Variants in TYW1B observed in about 807,000 individuals in gnomAD.
TYW1B encodes tRNA-yW synthesizing protein 1 homolog B.
A neutral mutation model predicts 86.9 loss-of-function variants in TYW1B; 73 were observed. The ratio of observed to expected loss-of-function variants is 0.84; its 90% CI spans 0.70 to 1.02. TYW1B has a LOEUF of 1.02. TYW1B is among the 50% of genes least tolerant of loss of function. The pLI is 0.00. For synonymous variants in TYW1B, 248 were observed against 292.8 expected (o/e 0.85, Z 1.56); for missense variants, 637 against 827.4 (o/e 0.77, Z 2.82).
intron 2 of TYW1B, among the ~76,000 whole-genome samples, chr7:72,826,300 A>G (rs1313921962): frequency 1.3e-5 from 2 of 152,212 alleles, no homozygotes; most frequent in Non-Finnish European, 2.9e-5. Flanking sequence ...GCAGGGATGA[A>G]AGGTAGCACA....
intron 9 of TYW1B, among the ~76,000 whole-genome samples, chr7:72,721,126 A>G (rs1585929298): frequency 6.6e-6 from 1 of 152,048 alleles, no homozygotes; most frequent in South Asian, 2.1e-4. Flanking sequence ...TATGTGCCAC[A>G]TTTTCTTAAT....
At chr7:72,626,457 G>A (rs1291980546) in intron 12 of TYW1B, among the ~76,000 whole-genome samples, 4 of 151,966 alleles carry the variant, frequency 2.6e-5, no homozygotes, top group African/African-American at 7.3e-5. Flanking sequence ...CTGAAACTTC[G>A]AGCTTATAAA....
At chr7:72,736,379 A>C (rs1373863273) in intron 8 of TYW1B, among the ~76,000 whole-genome samples, 1 of 152,226 alleles carries the variant, frequency 6.6e-6, no homozygotes, top group Non-Finnish European at 1.5e-5. Flanking sequence ...AAATTGTGGG[A>C]GCTAAGAATA....
At chr7:72,627,871 T>C (rs1173346972) in intron 12 of TYW1B, among the ~76,000 whole-genome samples, 10 of 152,144 alleles carry the variant, frequency 6.6e-5, no homozygotes, top group African/African-American at 2.4e-4. Flanking sequence ...TCAGCCAAGA[T>C]GCATGATCCA....
At chr7:72,796,532 G>A (rs1788308176) in intron 6 of TYW1B, among the ~76,000 whole-genome samples, 1 of 151,418 alleles carries the variant, frequency 6.6e-6, no homozygotes, top group South Asian at 2.1e-4. Flanking sequence ...CACCGCGCCA[G>A]GCCAACTAAT....
chr7:72,663,204 G>A (rs1385453076), intron 11 of TYW1B, among the ~76,000 whole-genome samples: 1 of 151,484 alleles, frequency 6.6e-6, no homozygotes, highest in Admixed American at 6.6e-5. Flanking sequence ...TGGGGGGGTT[G>A]GCGGCACGAT....
intron 7 of TYW1B, among the ~76,000 whole-genome samples, chr7:72,769,889 T>C (rs1381164734): frequency 1.3e-5 from 2 of 151,988 alleles, no homozygotes; most frequent in South Asian, 2.1e-4. Context: ...CTGGCCAACA[T>C]AGTGAAACCC....
intron 9 of TYW1B, among the ~76,000 whole-genome samples, chr7:72,727,837 GA>G (rs1787030343): frequency 7.4e-6 from 1 of 134,918 alleles, no homozygotes; most frequent in African/African-American, 2.7e-5. Flanking sequence ...AAAAAAAGAA[GA>G]AAGACAAAAA....
intron 11 of TYW1B, among the ~76,000 whole-genome samples, chr7:72,646,936 T>A (rs1554442134): frequency 6.6e-6 from 1 of 152,224 alleles, no homozygotes; most frequent in South Asian, 2.1e-4. Context: ...TAGAGTTCTG[T>A]TGCTTCTAAT....
intron 11 of TYW1B, among the ~76,000 whole-genome samples, chr7:72,661,120 G>T (rs1317525499): frequency 6.7e-6 from 1 of 149,310 alleles, no homozygotes; most frequent in Non-Finnish European, 1.5e-5. Flanking sequence ...GGACATCAGA[G>T]TAAGACTCTG....
At chr7:72,728,745 A>T in intron 9 of TYW1B, 77 bp downstream of exon 9, 3 of 1,418,148 alleles carry the variant, frequency 2.1e-6, no homozygotes, top group Non-Finnish European at 1.9e-6. Context: ...AATCCTACCA[A>T]AGAGGCAATT....
At chr7:72,605,350 GTTTGT>G (rs1459147105) in intron 13 of TYW1B, among the ~76,000 whole-genome samples, 125 of 148,472 alleles carry the variant, frequency 8.4e-4, no homozygotes, top group African/African-American at 2.9e-3. Context: ...TTTTTTTTTT[GTTTGT>G]TTTGTTTTTT....
chr7:72,574,658 G>C lies in TYW1B; in HGVS notation c.*840C>G, dbSNP rs1407293163. On this transcript the variant is annotated 3_prime_UTR_variant, in exon 14 of 14. Coordinates refer to ENST00000620995, the MANE Select transcript of TYW1B (RefSeq NM_001145440.3). The stretch of plus-strand genomic sequence containing the variant: ...TATAGAACAGATTGTGTAAAGCAGC[G>C]AGGGCCACAGGAGTCAAAGAAGATG... The C allele has an allele frequency of 5.1e-6, 5 of 985,276 alleles. No individual in the cohort carries two copies. The highest frequency in any genetic ancestry group is 4.7e-5 in the South Asian group (1 of 21,286). The allele number at this position is 985,276 out of a possible 1,614,324, so 61.0% of individuals were successfully genotyped here. A position where few individuals can be genotyped will look rare whatever the true frequency, so the allele number is the denominator to read the frequency against.
Position 72,773,836 on chromosome 7 carries a change from G to A in TYW1B, c.964+3580C>T, listed in dbSNP as rs541027116. Among the ~76,000 whole-genome samples the A allele has an allele frequency of 1.8e-4, 27 of 152,206 alleles. No individual in the cohort carries two copies. The East Asian group carries it at 4.1e-3, about 23-fold the overall frequency. ...TCCCAGCACTTTGGGAGGCCAAGGC[G>A]GGTGGATCACCTGAGGTCAGGAGTT... On this transcript the variant is annotated intron_variant, in intron 7 of 13. Transcript: ENST00000620995.
In TYW1B at chr7:72,742,530, T is replaced by C. The variant is rs186485838; in HGVS notation, c.1082+1954A>G. The stretch of plus-strand genomic sequence containing the variant: ...AATCTATGTTAATGGGCATACAGTA[T>C]ATAAAGTTGTAATTTGTGACAATGA... On this transcript the variant is annotated intron_variant, in intron 8 of 13. Coordinates refer to ENST00000620995, the MANE Select transcript of TYW1B (RefSeq NM_001145440.3). 1.1e-4 allele frequency among the ~76,000 whole-genome samples: 16 copies of C among 152,314 alleles called. 1 individual carries two copies. Among genetic ancestry groups the C allele is most frequent in the Admixed American group, 5.2e-4 (8 of 15,296 alleles).
intron 13 of TYW1B, among the ~76,000 whole-genome samples, chr7:72,596,654 A>G (rs1188378039): frequency 6.6e-6 from 1 of 152,180 alleles, no homozygotes; most frequent in Non-Finnish European, 1.5e-5. Flanking sequence ...AGACCTAAAC[A>G]TAAGACTTAA....
chr7:72,757,223 C>G (rs1554466338), intron 7 of TYW1B, among the ~76,000 whole-genome samples: 1 of 151,972 alleles, frequency 6.6e-6, no homozygotes, highest in African/African-American at 2.4e-5. Context: ...CAAAAATTAG[C>G]CAGGCGTGGT....
chr7:72,802,320 T>G, intron 6 of TYW1B, 80 bp downstream of exon 6: 2 of 1,551,140 alleles, frequency 1.3e-6, no homozygotes, highest in Non-Finnish European at 1.7e-6. Context: ...TGAGCTCAGA[T>G]GGACTACACA....
At chr7:72,808,352 AG>A (rs1226205379) in intron 4 of TYW1B, among the ~76,000 whole-genome samples, 1 of 152,040 alleles carries the variant, frequency 6.6e-6, no homozygotes, top group Non-Finnish European at 1.5e-5. Flanking sequence ...CAGTAGGCTA[AG>A]GTGGGAGGAT....
Sources: gnomAD v4.1 joint callset for allele counts (sites outside exome capture counted in the v4.1 genomes callset) on GRCh38, gnomAD v4.1.1 for gene constraint, MANE v1.5 for transcripts, NCBI Gene and HGNC (gene_info 2026-07-23, HGNC 2026-07-21) for gene names.